FRAS1: variants seen among roughly 807,000 people sequenced by gnomAD.
The protein encoded by FRAS1 is extracellular matrix organizing protein FRAS1.
A neutral mutation model predicts 435.2 loss-of-function variants in FRAS1; 290 were observed. The observed-to-expected ratio is 0.67, with a 90% CI of 0.61 to 0.73. The LOEUF (loss-of-function observed/expected upper bound fraction) is 0.73, where lower values mean the gene tolerates loss of function less well. Among genes scored for constraint, FRAS1 ranks in the 30% least tolerant of loss-of-function variants. FRAS1 has a pLI of 0.00. For synonymous variants in FRAS1, 1,800 were observed against 1,851.0 expected (o/e 0.97, Z 0.71); for missense variants, 4,860 against 5,001.5 (o/e 0.97, Z 0.85).
rs778397090 is a variant in FRAS1, at chr4:78,266,882, C to A, written c.736C>A (p.Arg246=). Residue 246 remains arginine (R), a synonymous_variant, in exon 8 of 74, where the codon CGG becomes AGG. Transcript: ENST00000512123. Reference sequence around the variant, plus strand: ...TGCCTGCACCACGTGTATATGTGACCGGGGTGAGGTCAGGTGTCACAAGCA... The same window carrying A: ...TGCCTGCACCACGTGTATATGTGACAGGGGTGAGGTCAGGTGTCACAAGCA... The part of the protein sequence containing the change: ...ENACTTCICD[R]GEVRCHKQAC... 1 of 1,608,442 alleles carries A rather than the reference C, an allele frequency of 6.2e-7. No individual in the cohort carries two copies. The highest frequency in any genetic ancestry group is 8.5e-7 in the Non-Finnish European group (1 of 1,177,492).
intron 42 of FRAS1, 86 bp from the exon 43 acceptor site, chr4:78,446,641 G>C: frequency 6.7e-7 from 1 of 1,494,368 alleles, no homozygotes; most frequent in Non-Finnish European, 8.8e-7. Context: ...GAACATTTCT[G>C]TAGCAATGAT....
intron 37 of FRAS1, 46 bp downstream of exon 37, chr4:78,430,463 T>G (rs768387931): frequency 1.9e-6 from 3 of 1,582,292 alleles, no homozygotes; most frequent in South Asian, 1.2e-5. Context: ...CTTGGAGGAT[T>G]TTTTGCTCTA....
intron 26 of FRAS1, 126 bp from the exon 27 acceptor site, chr4:78,379,600 C>A (rs1302750338): frequency 1.1e-6 from 1 of 906,928 alleles, no homozygotes; most frequent in East Asian, 2.5e-5. Flanking sequence ...AACTCTGTTT[C>A]TTATTTTGTG....
intron 18 of FRAS1, among the ~76,000 whole-genome samples, chr4:78,330,691 G>T (rs1729912431): frequency 6.6e-6 from 1 of 152,184 alleles, no homozygotes; most frequent in Non-Finnish European, 1.5e-5. Context: ...TTATTAGGAA[G>T]AGGAAATTCC....
chr4:78,465,533 G>C (rs2109846897), intron 49 of FRAS1, among the ~76,000 whole-genome samples: 1 of 152,346 alleles, frequency 6.6e-6, no homozygotes, highest in South Asian at 2.1e-4. Context: ...TCACCCTTCA[G>C]ACAGGGGAGC....
chr4:78,532,988 G>A (rs1489299308), intron 70 of FRAS1, among the ~76,000 whole-genome samples: 1 of 152,074 alleles, frequency 6.6e-6, no homozygotes, highest in Non-Finnish European at 1.5e-5. Context: ...CCCTTGTTTG[G>A]GTATATACCA....
chr4:78,425,343 G>A (rs2078066840), intron 35 of FRAS1, among the ~76,000 whole-genome samples: 1 of 152,098 alleles, frequency 6.6e-6, no homozygotes, highest in Admixed American at 6.6e-5. Flanking sequence ...AATAGAAGCA[G>A]GATGCCAATC....
chr4:78,388,540 G>A lies in FRAS1; in HGVS notation c.3975+839G>A, dbSNP rs926736895. Among the ~76,000 whole-genome samples, 5 of 151,898 alleles carry A rather than the reference G, an allele frequency of 3.3e-5. 1 individual carries two copies. Among genetic ancestry groups the A allele is most frequent in the African/African-American group, 1.2e-4 (5 of 41,360 alleles). Reference sequence around the variant, plus strand: ...GGGCCAGGTGCAGTGGCTCATGCCTGTAATCTCAGCACTTTGGGAGGTTGA... The same window carrying A: ...GGGCCAGGTGCAGTGGCTCATGCCTATAATCTCAGCACTTTGGGAGGTTGA... On this transcript the variant is annotated intron_variant, in intron 29 of 73. Coordinates refer to ENST00000512123, the MANE Select transcript of FRAS1 (RefSeq NM_025074.7).
At position 78,382,273 on chromosome 4, in the gene FRAS1, A is replaced by G. The variant is rs893581475; in HGVS notation, c.3564-1786A>G. Among the ~76,000 whole-genome samples, 75 of 152,038 alleles carry G rather than the reference A, an allele frequency of 4.9e-4. 1 individual carries two copies. The highest frequency in any genetic ancestry group is 1.9e-4 in the Non-Finnish European group (13 of 68,018). On this transcript the variant is annotated intron_variant, in intron 27 of 73. Coordinates refer to ENST00000512123, the MANE Select transcript of FRAS1 (RefSeq NM_025074.7). Reference sequence around the variant, plus strand: ...TGGTACTCTCATCAGTTAATAAAATAAGGCATTATTTAATAAAATAAAATA... The same window carrying G: ...TGGTACTCTCATCAGTTAATAAAATGAGGCATTATTTAATAAAATAAAATA...
rs1292245576 is a variant in FRAS1 at position 78,374,256 on chromosome 4, C to G, written c.3151+5C>G. 1 of 1,553,476 alleles carries G rather than the reference C, an allele frequency of 6.4e-7. No individual in the cohort carries two copies. Among genetic ancestry groups the G allele is most frequent in the Admixed American group, 1.7e-5 (1 of 57,324 alleles). On this transcript the variant is annotated splice_donor_5th_base_variant and intron_variant, in intron 25 of 73. Coordinates refer to ENST00000512123, the MANE Select transcript of FRAS1 (RefSeq NM_025074.7). ...ATGCAAAGCACAAATGCACAGGTAA[C>G]TTGGAGACTGCTGATTATTCTGGAA... is the stretch of plus-strand genomic sequence containing the variant.
intron 4 of FRAS1, among the ~76,000 whole-genome samples, chr4:78,251,662 C>T (rs1389389877): frequency 6.6e-6 from 1 of 152,220 alleles, no homozygotes; most frequent in South Asian, 2.1e-4. Flanking sequence ...TCATTTAACC[C>T]TCAGAAGAGC....
At chr4:78,387,276 AGT>A (rs999570020) in intron 28 of FRAS1, 97 bp from the exon 29 acceptor site, 54 of 876,768 alleles carry the variant, frequency 6.2e-5, no homozygotes, top group Non-Finnish European at 9.6e-5. Flanking sequence ...GAACACTTAG[AGT>A]TTCTCAAAAA....
intron 10 of FRAS1, 50 bp from the exon 11 acceptor site, chr4:78,281,348 C>A (rs376997495): frequency 1.6e-6 from 2 of 1,261,428 alleles, no homozygotes; most frequent in Non-Finnish European, 2.2e-6. Context: ...AAATAATCAG[C>A]CTAATGGTGT....
chr4:78,337,942 G>A, intron 20 of FRAS1, 125 bp downstream of exon 20: 1 of 883,906 alleles, frequency 1.1e-6, no homozygotes, highest in South Asian at 1.5e-5. Context: ...TTTGTTTCAT[G>A]TCTGGAAACT....
At chr4:78,510,557 A>C (rs937219006) in intron 63 of FRAS1, among the ~76,000 whole-genome samples, 1 of 152,260 alleles carries the variant, frequency 6.6e-6, no homozygotes, top group African/African-American at 2.4e-5. Context: ...TGTGGCACAC[A>C]GAACTACTGA....
chr4:78,180,639 T>C (rs560474559), intron 2 of FRAS1, among the ~76,000 whole-genome samples: 1 of 152,274 alleles, frequency 6.6e-6, no homozygotes, highest in African/African-American at 2.4e-5. Context: ...TATGAAAACA[T>C]CCCTGCTACC....
chr4:78,081,201 A>G lies in FRAS1; in HGVS notation c.108+15185A>G, dbSNP rs747433471. Among the ~76,000 whole-genome samples, 26 of 152,282 alleles carry G rather than the reference A, an allele frequency of 1.7e-4. 1 individual carries two copies. Among genetic ancestry groups the G allele is most frequent in the Admixed American group, 1.1e-3 (17 of 15,288 alleles). On this transcript the variant is annotated intron_variant, in intron 2 of 73. Transcript: ENST00000512123. ...GGTTCCCTGAGAGAAAAGTCCCCACAAGGGAGAATATTGGCCTCGTGGAAA... is the reference window on the plus strand; with the variant it reads ...GGTTCCCTGAGAGAAAAGTCCCCACGAGGGAGAATATTGGCCTCGTGGAAA...
At chr4:78,529,570 T>C (rs1056793229) in intron 70 of FRAS1, among the ~76,000 whole-genome samples, 1 of 152,156 alleles carries the variant, frequency 6.6e-6, no homozygotes, top group Admixed American at 6.5e-5. Context: ...TTCTACATGG[T>C]TTTGCAAGTT....
chr4:78,371,631 A>G (rs1231806138), intron 23 of FRAS1, among the ~76,000 whole-genome samples: 1 of 152,192 alleles, frequency 6.6e-6, no homozygotes. Context: ...TGATTGTAGG[A>G]TAATATAGAG....
Sources: gnomAD v4.1 joint callset for allele counts (sites outside exome capture counted in the v4.1 genomes callset) on GRCh38, gnomAD v4.1.1 for gene constraint, MANE v1.5 for transcripts, NCBI Gene and HGNC (gene_info 2026-07-23, HGNC 2026-07-21) for gene names.